SPON1: variants seen among roughly 807,000 people sequenced by gnomAD.
SPON1 encodes spondin 1.
Under a neutral mutation model 111.7 loss-of-function variants are expected in SPON1, and 52 were observed. That is an observed-to-expected ratio of 0.47 (90% CI 0.37 to 0.59). SPON1 has a LOEUF of 0.59. Ranked by LOEUF, SPON1 falls within the 20% of genes least tolerant of loss-of-function variation. SPON1 has a pLI of 0.00. For missense variants in SPON1, 957 were observed against 1,068.5 expected, an observed-to-expected ratio of 0.90 and a Z score of 1.46; for synonymous variants, 410 against 395.8, an observed-to-expected ratio of 1.04 and a Z score of -0.43.
At chr11:13,963,209 G>T (rs1847989089) in intron 1 of SPON1, 67 bp downstream of exon 1, 3 of 1,275,944 alleles carry the variant, frequency 2.4e-6, no homozygotes, top group Non-Finnish European at 1.0e-6. Context: ...CGACCTCGCG[G>T]TGCCGGAGGA....
chr11:14,266,427 GGGGTTCAGAGGAGTAT>G lies in SPON1; in HGVS notation c.*742_*757del, dbSNP rs1339728180. On this transcript the variant is annotated 3_prime_UTR_variant, in exon 16 of 16. Coordinates refer to ENST00000576479, the MANE Select transcript of SPON1 (RefSeq NM_006108.4). ...AGAGTGTATTTTTCCCTTGCTTTTG[GGGGTTCAGAGGAGTAT>G]GTACAATTCTTCTGGGAAGCCAGCC... is the stretch of plus-strand genomic sequence containing the variant. 6.6e-6 allele frequency: 1 copy of G among 151,830 alleles called. No homozygotes were observed. Among genetic ancestry groups the G allele is most frequent in the East Asian group, 1.9e-4 (1 of 5,164 alleles). 9.4% of individuals were successfully genotyped at this position (151,830 alleles called of 1,614,324 possible).
chr11:14,233,425 T>C (rs782595975), intron 6 of SPON1, among the ~76,000 whole-genome samples: 1 of 152,248 alleles, frequency 6.6e-6, no homozygotes, highest in South Asian at 2.1e-4. Flanking sequence ...TTTAAAAATA[T>C]GAATCAGGTC....
At chr11:14,094,142 G>A (rs1161915151) in intron 5 of SPON1, among the ~76,000 whole-genome samples, 1 of 151,354 alleles carries the variant, frequency 6.6e-6, no homozygotes, top group East Asian at 1.9e-4. Flanking sequence ...AACCTGGGAG[G>A]CAGAGGTTGC....
intron 2 of SPON1, among the ~76,000 whole-genome samples, chr11:14,013,041 C>T (rs938278903): frequency 9.2e-5 from 14 of 152,280 alleles, no homozygotes; most frequent in South Asian, 2.1e-4. Flanking sequence ...CTGTTTCTAA[C>T]GGCAACCTCA....
chr11:14,004,759 G>A (rs1248006890), intron 2 of SPON1, among the ~76,000 whole-genome samples: 2 of 152,034 alleles, frequency 1.3e-5, no homozygotes, highest in African/African-American at 4.8e-5. Flanking sequence ...TATGTGAAAT[G>A]CAGTTTTTTG....
chr11:14,046,430 G>A (rs1325895494), intron 3 of SPON1, among the ~76,000 whole-genome samples: 3 of 152,134 alleles, frequency 2.0e-5, no homozygotes, highest in Admixed American at 6.5e-5. Flanking sequence ...CACCATAGAT[G>A]GGAAATTGAA....
chr11:14,141,741 A>G (rs1472487070), intron 6 of SPON1, among the ~76,000 whole-genome samples: 7 of 152,196 alleles, frequency 4.6e-5, no homozygotes, highest in Admixed American at 1.3e-4. Context: ...TGGAGATGAC[A>G]TATGTCTACT....
intron 5 of SPON1, among the ~76,000 whole-genome samples, chr11:14,117,635 A>G (rs1367470578): frequency 1.3e-5 from 2 of 152,132 alleles, no homozygotes; most frequent in African/African-American, 4.8e-5. Context: ...CTTCCATCTT[A>G]ACTTTTACCT....
intron 5 of SPON1, among the ~76,000 whole-genome samples, chr11:14,116,189 G>T (rs895815754): frequency 6.6e-6 from 1 of 151,844 alleles, no homozygotes; most frequent in Admixed American, 6.6e-5. Flanking sequence ...CCATTCTATG[G>T]CTTGCCTTTT....
intron 6 of SPON1, among the ~76,000 whole-genome samples, chr11:14,202,468 G>A (rs1449172630): frequency 2.0e-5 from 3 of 152,160 alleles, no homozygotes; most frequent in African/African-American, 7.2e-5. Context: ...GTGAATATGT[G>A]TCAGGACAGT....
At chr11:14,066,705 C>G (rs1311391254) in intron 3 of SPON1, among the ~76,000 whole-genome samples, 5 of 152,192 alleles carry the variant, frequency 3.3e-5, no homozygotes, top group Admixed American at 3.3e-4. Flanking sequence ...ACAACCCCCA[C>G]CCCACCTTTC....
chr11:14,199,812 C>T (rs574274868), intron 6 of SPON1, among the ~76,000 whole-genome samples: 1 of 152,338 alleles, frequency 6.6e-6, no homozygotes, highest in African/African-American at 2.4e-5. Context: ...AGGGTGCAAG[C>T]CCTCAGTGGG....
At chr11:14,089,423 T>C (rs951000767) in intron 5 of SPON1, among the ~76,000 whole-genome samples, 3 of 152,120 alleles carry the variant, frequency 2.0e-5, no homozygotes, top group African/African-American at 7.2e-5. Flanking sequence ...TTGCTGGAGG[T>C]CTACTCCAGA....
At chr11:13,969,480 AAG>A (rs72469322) in intron 1 of SPON1, among the ~76,000 whole-genome samples, 1,583 of 152,306 alleles carry the variant, frequency 0.01, 22 homozygotes, top group African/African-American at 0.036. Flanking sequence ...TTCTCAATAA[AAG>A]AGGAAGCAGC....
intron 2 of SPON1, among the ~76,000 whole-genome samples, chr11:13,999,565 C>T (rs1848300216): frequency 6.6e-6 from 1 of 152,124 alleles, no homozygotes; most frequent in African/African-American, 2.4e-5. Context: ...GCCATCACAC[C>T]TGGCTAACTT....
At chr11:14,084,940 A>G (rs1848993710) in intron 5 of SPON1, among the ~76,000 whole-genome samples, 1 of 152,174 alleles carries the variant, frequency 6.6e-6, no homozygotes, top group Admixed American at 6.5e-5. Context: ...GGCCACATAA[A>G]TGTCTTCTTT....
intron 5 of SPON1, among the ~76,000 whole-genome samples, chr11:14,108,379 T>C (rs1420733482): frequency 4.6e-5 from 7 of 152,342 alleles, no homozygotes; most frequent in African/African-American, 1.4e-4. Context: ...TCTGATCTCA[T>C]GCTGATATCT....
intron 3 of SPON1, among the ~76,000 whole-genome samples, chr11:14,067,038 A>G (rs1194933700): frequency 6.6e-6 from 1 of 152,148 alleles, no homozygotes; most frequent in Non-Finnish European, 1.5e-5. Context: ...GCAGCCAAGC[A>G]TAGTGGCAGG....
At chr11:14,130,080 A>G (rs573145248) in intron 5 of SPON1, among the ~76,000 whole-genome samples, 1 of 152,236 alleles carries the variant, frequency 6.6e-6, no homozygotes, top group South Asian at 2.1e-4. Context: ...TCAAATAGTC[A>G]ATCCTCACTA....
Sources: allele counts gnomAD v4.1 joint callset (sites outside exome capture counted in the v4.1 genomes callset), GRCh38; gene constraint gnomAD v4.1.1; transcripts MANE v1.5; gene names NCBI Gene and HGNC (gene_info 2026-07-23, HGNC 2026-07-21).